The following PLCL2 variants were observed in gnomAD, a reference collection of about 807,000 sequenced individuals.
The protein encoded by PLCL2 is inactive phospholipase C-like protein 2.
A neutral mutation model predicts 79.6 loss-of-function variants in PLCL2; 4 were observed. That is an observed-to-expected ratio of 0.05 (90% CI 0.02 to 0.11). PLCL2 has a LOEUF of 0.11. PLCL2 is among the 10% of genes least tolerant of loss of function. The pLI is 1.00. For missense variants in PLCL2, 895 were observed against 1,291.0 expected (o/e 0.69, Z 4.70); for synonymous variants, 484 against 457.7 (o/e 1.06, Z -0.73).
At chr3:16,977,453 T>C (rs147150469) in intron 1 of PLCL2, among the ~76,000 whole-genome samples, 23 of 152,336 alleles carry the variant, frequency 1.5e-4, no homozygotes, top group African/African-American at 5.1e-4. Flanking sequence ...AAATGCCTTT[T>C]CTTGCCAGTT....
chr3:16,958,895 C>T (rs1438408313), intron 1 of PLCL2, among the ~76,000 whole-genome samples: 1 of 152,230 alleles, frequency 6.6e-6, no homozygotes, highest in Non-Finnish European at 1.5e-5. Context: ...GATCCTATGA[C>T]TGTTGTAGAC....
At chr3:16,924,891 A>G (rs1468960982) in intron 1 of PLCL2, among the ~76,000 whole-genome samples, 1 of 151,756 alleles carries the variant, frequency 6.6e-6, no homozygotes, top group Non-Finnish European at 1.5e-5. Flanking sequence ...GCTTGATTCC[A>G]TGTGTATGGA....
intron 1 of PLCL2, among the ~76,000 whole-genome samples, chr3:16,903,698 T>G (rs1399339553): frequency 6.6e-6 from 1 of 152,190 alleles, no homozygotes; most frequent in Admixed American, 6.5e-5. Flanking sequence ...ATGTGTTATA[T>G]GGTCAAGTGG....
intron 4 of PLCL2, among the ~76,000 whole-genome samples, chr3:17,066,546 G>A (rs997057859): frequency 2.0e-5 from 3 of 152,204 alleles, no homozygotes; most frequent in African/African-American, 7.2e-5. Context: ...GTAAAAGTGT[G>A]CAAAAGAATG....
At chr3:16,939,094 C>A (rs1372071) in intron 1 of PLCL2, among the ~76,000 whole-genome samples, 31,577 of 152,002 alleles carry the variant, frequency 0.21, 3,645 homozygotes, top group East Asian at 0.51. Context: ...TAAGGCCCAT[C>A]CATGCTGTGC....
Position 16,896,187 on chromosome 3 carries a change from G to A in PLCL2, c.327+10821G>A, listed in dbSNP as rs527244645. ...ACTTCCTCCTGCACTATTTAGGGCC[G>A]TGCCTTTTACAGTTTTTTGCTGTCT... On this transcript the variant is annotated intron_variant, in intron 1 of 5. Coordinates refer to ENST00000615277, the MANE Select transcript of PLCL2 (RefSeq NM_001144382.2). Among the ~76,000 whole-genome samples the A allele has an allele frequency of 3.9e-5, 6 of 152,112 alleles. No homozygotes were observed. The South Asian group carries it at 6.2e-4, about 16-fold the overall frequency.
At position 17,059,767 on chromosome 3, in the gene PLCL2, G is replaced by C. The variant is rs147330245; in HGVS notation, c.3095-8189G>C. 8.5e-5 allele frequency among the ~76,000 whole-genome samples: 13 copies of C among 152,172 alleles called. No homozygotes were observed. In the East Asian group the frequency reaches 2.3e-3, roughly 27 times the overall value. Reference sequence around the variant, plus strand: ...AGGGAAACAAGGAGGCTGGGAGATGGGGAAAGGAAAGACAGTTCCCTGTAT... The same window carrying C: ...AGGGAAACAAGGAGGCTGGGAGATGCGGAAAGGAAAGACAGTTCCCTGTAT... On this transcript the variant is annotated intron_variant, in intron 4 of 5. Transcript: ENST00000615277.
intron 1 of PLCL2, among the ~76,000 whole-genome samples, chr3:16,926,888 C>A (rs1330572920): frequency 6.6e-6 from 1 of 152,036 alleles, no homozygotes; most frequent in Non-Finnish European, 1.5e-5. Context: ...CTTGGCCTCC[C>A]AAAGTGCTAG....
chr3:17,076,215 G>C (rs13097797), intron 5 of PLCL2, among the ~76,000 whole-genome samples: 18,052 of 152,020 alleles, frequency 0.12, 1,558 homozygotes, highest in Non-Finnish European at 0.17. Flanking sequence ...TAAGTGGATG[G>C]GGGTTGAGCA....
intron 1 of PLCL2, among the ~76,000 whole-genome samples, chr3:16,981,489 G>A (rs986798329): frequency 6.6e-6 from 1 of 152,154 alleles, no homozygotes; most frequent in African/African-American, 2.4e-5. Flanking sequence ...ATCATATGGA[G>A]TTTAAAATAG....
At chr3:17,064,398 C>A (rs1445168989) in intron 4 of PLCL2, among the ~76,000 whole-genome samples, 2 of 152,166 alleles carry the variant, frequency 1.3e-5, no homozygotes, top group East Asian at 3.8e-4. Context: ...TTATTTTACA[C>A]ATATGATTAT....
chr3:17,042,755 G>C, intron 3 of PLCL2, 119 bp from the exon 4 acceptor site: 1 of 689,572 alleles, frequency 1.5e-6, no homozygotes, highest in Admixed American at 2.3e-5. Context: ...TGGAAAGTCA[G>C]ATAAAAAAGC....
At chr3:17,030,665 A>G (rs1444301748) in intron 3 of PLCL2, among the ~76,000 whole-genome samples, 1 of 152,226 alleles carries the variant, frequency 6.6e-6, no homozygotes, top group Non-Finnish European at 1.5e-5. Flanking sequence ...TAAATACTCT[A>G]GTAGCTGCTC....
At chr3:17,025,385 A>C (rs1211654010) in intron 3 of PLCL2, among the ~76,000 whole-genome samples, 1 of 152,176 alleles carries the variant, frequency 6.6e-6, no homozygotes, top group African/African-American at 2.4e-5. Context: ...GACTGAAGTT[A>C]TATCAGTCAC....
At chr3:16,957,601 G>A (rs370084952) in intron 1 of PLCL2, among the ~76,000 whole-genome samples, 8 of 152,042 alleles carry the variant, frequency 5.3e-5, no homozygotes, top group Admixed American at 6.6e-5. Context: ...TTTCTGTCTC[G>A]TTGATCTGTC....
chr3:17,018,655 A>G (rs191306084), intron 3 of PLCL2, among the ~76,000 whole-genome samples: 7 of 152,322 alleles, frequency 4.6e-5, no homozygotes, highest in Admixed American at 2.6e-4. Context: ...TCATGACCAT[A>G]AAGTCAGAGG....
At chr3:17,045,766 G>T (rs375833873) in intron 4 of PLCL2, among the ~76,000 whole-genome samples, 37 of 152,284 alleles carry the variant, frequency 2.4e-4, no homozygotes, top group African/African-American at 8.9e-4. Context: ...AAGGATGTGA[G>T]GTCAGGAATG....
intron 1 of PLCL2, among the ~76,000 whole-genome samples, chr3:16,929,459 G>C (rs1474469138): frequency 6.6e-6 from 1 of 152,170 alleles, no homozygotes; most frequent in African/African-American, 2.4e-5. Flanking sequence ...CTGGGAGTTG[G>C]CTTGGAATGC....
At chr3:17,022,793 C>T (rs1210158074) in intron 3 of PLCL2, among the ~76,000 whole-genome samples, 3 of 152,166 alleles carry the variant, frequency 2.0e-5, no homozygotes, top group African/African-American at 7.2e-5. Flanking sequence ...TGAGTTCAAG[C>T]TTCATACTCA....
Sources: gnomAD v4.1 joint callset for allele counts (sites outside exome capture counted in the v4.1 genomes callset) on GRCh38, gnomAD v4.1.1 for gene constraint, MANE v1.5 for transcripts, NCBI Gene and HGNC (gene_info 2026-07-23, HGNC 2026-07-21) for gene names.